The following FHIT variants were observed in gnomAD, a reference collection of about 807,000 sequenced individuals.
The protein encoded by FHIT is fragile histidine triad diadenosine triphosphatase.
FHIT carries 19 observed loss-of-function variants against 17.9 expected under a neutral mutation model. That is an observed-to-expected ratio of 1.06 (90% CI 0.74 to 1.56). The LOEUF is 1.56. Ranked by LOEUF, FHIT falls within the 40% of genes most tolerant of loss-of-function variation. FHIT has a pLI of 0.00. For missense variants in FHIT, 248 were observed against 189.2 expected, an observed-to-expected ratio of 1.31 and a Z score of -1.82; for synonymous variants, 81 against 69.7, an observed-to-expected ratio of 1.16 and a Z score of -0.81.
chr3:60,339,872 A>G (rs377273743), intron 5 of FHIT, among the ~76,000 whole-genome samples: 5 of 152,248 alleles, frequency 3.3e-5, no homozygotes, highest in African/African-American at 1.2e-4. Flanking sequence ...CTCCTGAACC[A>G]TTGCAGACTT....
intron 3 of FHIT, among the ~76,000 whole-genome samples, chr3:60,840,969 A>G (rs1553744943): frequency 6.6e-6 from 1 of 152,260 alleles, no homozygotes; most frequent in Non-Finnish European, 1.5e-5. Context: ...TTGATAATAG[A>G]AAAGCAAATG....
chr3:59,791,302 A>G (rs62238262), intron 8 of FHIT, among the ~76,000 whole-genome samples: 20,220 of 152,064 alleles, frequency 0.13, 1,520 homozygotes, highest in South Asian at 0.2. Context: ...CAAAGTTTTT[A>G]TAGGCATTAC....
intron 5 of FHIT, among the ~76,000 whole-genome samples, chr3:60,489,327 T>C (rs2033969177): frequency 6.6e-6 from 1 of 152,176 alleles, no homozygotes; most frequent in Non-Finnish European, 1.5e-5. Context: ...TTTTAAAATG[T>C]GTGTGTATAC....
At position 60,439,249 on chromosome 3, in the gene FHIT, G is replaced by A. The variant is rs114110478; in HGVS notation, c.103+97611C>T. On this transcript the variant is annotated intron_variant, in intron 5 of 9. Transcript: ENST00000492590. ...AACCAGTCAATTCATATTTAAGGAG[G>A]TCTAGAACCAAGAATTACCAAACAG... Among the ~76,000 whole-genome samples the A allele has an allele frequency of 4.6e-5, 7 of 152,140 alleles. No individual in the cohort carries two copies. In the Middle Eastern group the frequency reaches 0.01, roughly 222 times the overall value.
chr3:59,795,627 G>C (rs1699747972), intron 8 of FHIT, among the ~76,000 whole-genome samples: 1 of 151,994 alleles, frequency 6.6e-6, no homozygotes, highest in African/African-American at 2.4e-5. Flanking sequence ...AGGAGACTGA[G>C]GTGAGAGGAT....
intron 5 of FHIT, among the ~76,000 whole-genome samples, chr3:60,022,512 G>A (rs1426755763): frequency 6.6e-6 from 1 of 152,216 alleles, no homozygotes; most frequent in Non-Finnish European, 1.5e-5. Context: ...AAGACAGGCA[G>A]CAATGCTTTG....
chr3:60,156,081 T>C (rs1700676125), intron 5 of FHIT, among the ~76,000 whole-genome samples: 1 of 152,070 alleles, frequency 6.6e-6, no homozygotes, highest in African/African-American at 2.4e-5. Context: ...GGGCCGGGTG[T>C]GGGGGCTCAT....
rs201906681 is a variant in FHIT at position 60,040,984 on chromosome 3, AG to A, written c.104-26833del. On this transcript the variant is annotated intron_variant, in intron 5 of 9. Coordinates refer to ENST00000492590, the MANE Select transcript of FHIT (RefSeq NM_002012.4). Reference sequence around the variant, plus strand: ...CCTGTTGCTCCCCTAAAAGCTAGAAAGGGGGGTTTACAAAGGAGATAAACCA... The same window carrying A: ...CCTGTTGCTCCCCTAAAAGCTAGAAAGGGGGTTTACAAAGGAGATAAACCA... 9.9e-3 allele frequency among the ~76,000 whole-genome samples: 1,503 copies of A among 152,184 alleles called. 18 individuals are homozygous for A. The highest frequency in any genetic ancestry group is 0.035 in the African/African-American group (1,436 of 41,518).
At chr3:60,101,123 G>A (rs60287158) in intron 5 of FHIT, among the ~76,000 whole-genome samples, 9 of 152,102 alleles carry the variant, frequency 5.9e-5, no homozygotes, top group African/African-American at 1.2e-4. Context: ...GCCGGCCCCC[G>A]CTCCCTATTC....
intron 4 of FHIT, among the ~76,000 whole-genome samples, chr3:60,731,222 T>C (rs144871231): frequency 3.6e-4 from 55 of 152,268 alleles, no homozygotes; most frequent in African/African-American, 1.2e-3. Flanking sequence ...CATCAAAGAA[T>C]GTTACCAGCA....
intron 5 of FHIT, among the ~76,000 whole-genome samples, chr3:60,342,112 C>A (rs772050319): frequency 7.9e-5 from 12 of 152,220 alleles, no homozygotes; most frequent in Admixed American, 2.0e-4. Flanking sequence ...CTCCCCACTG[C>A]ACAGGAGGTG....
intron 4 of FHIT, among the ~76,000 whole-genome samples, chr3:60,797,868 T>A (rs1559730807): frequency 6.6e-6 from 1 of 152,122 alleles, no homozygotes; most frequent in Non-Finnish European, 1.5e-5. Context: ...AATTCTAATG[T>A]ATAATTTTGA....
chr3:59,811,335 G>A (rs990304137), intron 8 of FHIT, among the ~76,000 whole-genome samples: 1 of 152,226 alleles, frequency 6.6e-6, no homozygotes, highest in African/African-American at 2.4e-5. Flanking sequence ...TTCTGCTTTT[G>A]TGTAGACAAA....
chr3:59,801,255 A>T (rs1699982337), intron 8 of FHIT, among the ~76,000 whole-genome samples: 2 of 152,084 alleles, frequency 1.3e-5, no homozygotes, highest in African/African-American at 4.8e-5. Context: ...TATGATGCAC[A>T]TAAAACTGTC....
At chr3:60,084,670 C>G (rs146206835) in intron 5 of FHIT, among the ~76,000 whole-genome samples, 2 of 152,178 alleles carry the variant, frequency 1.3e-5, no homozygotes, top group East Asian at 3.9e-4. Context: ...CGAGTAAACA[C>G]GCTGAGGACT....
At chr3:61,023,110 A>G (rs1450085842) in intron 3 of FHIT, among the ~76,000 whole-genome samples, 1 of 152,204 alleles carries the variant, frequency 6.6e-6, no homozygotes, top group Admixed American at 6.5e-5. Flanking sequence ...TCTCAGCCCA[A>G]AATCTCCTTA....
chr3:60,864,831 T>C (rs1704086782), intron 3 of FHIT, among the ~76,000 whole-genome samples: 1 of 152,076 alleles, frequency 6.6e-6, no homozygotes, highest in African/African-American at 2.4e-5. Flanking sequence ...CACTTATTAA[T>C]ACAACTTAGA....
Position 60,698,476 on chromosome 3 carries a change from A to G in FHIT, c.-18+123443T>C, listed in dbSNP as rs1008520179. On this transcript the variant is annotated intron_variant, in intron 4 of 9. Transcript: ENST00000492590. ...ATTTACTCCCTGGAGAAAAATTGCA[A>G]ACCTCACCCCCAAACAAACCGCATA... Among the ~76,000 whole-genome samples, 41 of 152,176 alleles carry G rather than the reference A, an allele frequency of 2.7e-4. 1 individual carries two copies. The highest frequency in any genetic ancestry group is 9.4e-4 in the African/African-American group (39 of 41,446).
intron 5 of FHIT, among the ~76,000 whole-genome samples, chr3:60,074,168 C>A (rs1011556653): frequency 6.6e-6 from 1 of 152,094 alleles, no homozygotes; most frequent in Non-Finnish European, 1.5e-5. Flanking sequence ...AGCTGGCCCA[C>A]AGACACAAGA....
Sources: allele counts gnomAD v4.1 joint callset (sites outside exome capture counted in the v4.1 genomes callset), GRCh38; gene constraint gnomAD v4.1.1; transcripts MANE v1.5; gene names NCBI Gene and HGNC (gene_info 2026-07-23, HGNC 2026-07-21).